Variants in TBC1D22A observed in about 807,000 individuals in gnomAD.
The protein encoded by TBC1D22A is TBC1 domain family member 22A.
A neutral mutation model predicts 60.2 loss-of-function variants in TBC1D22A; 38 were observed. The ratio of observed to expected loss-of-function variants is 0.63; its 90% CI spans 0.49 to 0.83. The LOEUF is 0.83. Ranked by LOEUF, TBC1D22A falls within the 40% of genes least tolerant of loss-of-function variation. The pLI is 0.00. For missense variants in TBC1D22A, 628 were observed against 701.0 expected (o/e 0.90, Z 1.18); for synonymous variants, 302 against 281.7 (o/e 1.07, Z -0.72).
intron 12 of TBC1D22A, among the ~76,000 whole-genome samples, chr22:47,134,112 C>T (rs1208326114): frequency 1.3e-5 from 2 of 152,204 alleles, no homozygotes; most frequent in Admixed American, 1.3e-4. Flanking sequence ...TCTTCCCTTG[C>T]ACGTTTCTGC....
intron 12 of TBC1D22A, among the ~76,000 whole-genome samples, chr22:47,135,602 G>A (rs2066836746): frequency 6.6e-6 from 1 of 152,238 alleles, no homozygotes; most frequent in Non-Finnish European, 1.5e-5. Context: ...AGGCAAGGAT[G>A]AGGGGCCTCG....
chr22:46,971,713 G>A (rs1480714014), intron 8 of TBC1D22A, among the ~76,000 whole-genome samples: 1 of 152,226 alleles, frequency 6.6e-6, no homozygotes, highest in Non-Finnish European at 1.5e-5. Flanking sequence ...AAAGCACACT[G>A]ATCAGCGCGT....
At chr22:46,996,620 A>G (rs2075130364) in intron 9 of TBC1D22A, among the ~76,000 whole-genome samples, 1 of 152,188 alleles carries the variant, frequency 6.6e-6, no homozygotes, top group Non-Finnish European at 1.5e-5. Flanking sequence ...GCTGTTGGGT[A>G]TAGATTTAAG....
chr22:46,935,453 C>T (rs2071592709), intron 8 of TBC1D22A, among the ~76,000 whole-genome samples: 1 of 152,148 alleles, frequency 6.6e-6, no homozygotes, highest in Non-Finnish European at 1.5e-5. Context: ...CCCCCGCAGC[C>T]CCTGTCACAA....
intron 4 of TBC1D22A, among the ~76,000 whole-genome samples, chr22:46,855,384 T>C (rs964268447): frequency 2.0e-5 from 3 of 152,192 alleles, no homozygotes; most frequent in Non-Finnish European, 4.4e-5. Context: ...TTAACAAACC[T>C]TCCTCAGCAC....
chr22:46,846,711 C>T (rs568928597), intron 4 of TBC1D22A, among the ~76,000 whole-genome samples: 251 of 151,988 alleles, frequency 1.7e-3, no homozygotes, highest in African/African-American at 5.6e-3. Flanking sequence ...CATCTTCACC[C>T]GGATTCGGCG....
intron 12 of TBC1D22A, among the ~76,000 whole-genome samples, chr22:47,124,828 T>C (rs1322187251): frequency 6.6e-6 from 1 of 151,318 alleles, no homozygotes; most frequent in Admixed American, 6.6e-5. Context: ...GCACAGCTGG[T>C]GTGAGGACAC....
chr22:46,964,273 A>T (rs2073689950), intron 8 of TBC1D22A, among the ~76,000 whole-genome samples: 2 of 152,134 alleles, frequency 1.3e-5, no homozygotes, highest in African/African-American at 4.8e-5. Context: ...GTCACTTAGG[A>T]AGAAGTTTAT....
At chr22:47,065,978 A>G (rs2063761025) in intron 11 of TBC1D22A, among the ~76,000 whole-genome samples, 1 of 152,200 alleles carries the variant, frequency 6.6e-6, no homozygotes, top group African/African-American at 2.4e-5. Flanking sequence ...GATCCAGGAA[A>G]AGAGCCCTCC....
chr22:46,833,139 T>C (rs923607966), intron 4 of TBC1D22A, among the ~76,000 whole-genome samples: 8 of 152,220 alleles, frequency 5.3e-5, no homozygotes, highest in Non-Finnish European at 2.9e-5. Flanking sequence ...GGAAGATACA[T>C]ATGAGTTAAT....
intron 11 of TBC1D22A, among the ~76,000 whole-genome samples, chr22:47,041,997 C>A (rs990789071): frequency 2.0e-5 from 3 of 152,242 alleles, no homozygotes; most frequent in African/African-American, 7.2e-5. Context: ...ATTGTCTCCC[C>A]AGCCCTTATC....
At position 47,111,737 on chromosome 22, in the gene TBC1D22A, G is replaced by A; in HGVS notation, c.1425+134G>A. On this transcript the variant is annotated intron_variant, in intron 12 of 12. Transcript: ENST00000337137. ...GCCTGCATTTCGCCGCTGACCTCCTGCTGGTTGAAAGCTCGTCCAGCTGAG... is the reference window on the plus strand; with the variant it reads ...GCCTGCATTTCGCCGCTGACCTCCTACTGGTTGAAAGCTCGTCCAGCTGAG... The A allele has an allele frequency of 6.4e-6, 5 of 783,368 alleles. No individual in the cohort carries two copies. The South Asian group carries it at 9.0e-5, about 14-fold the overall frequency. The allele number at this position is 783,368 out of a possible 1,614,324, so 48.5% of individuals were successfully genotyped here. A position where few individuals can be genotyped will look rare whatever the true frequency, so the allele number is the denominator to read the frequency against.
chr22:46,967,025 C>T (rs2073835874), intron 8 of TBC1D22A, among the ~76,000 whole-genome samples: 1 of 151,974 alleles, frequency 6.6e-6, no homozygotes, highest in Non-Finnish European at 1.5e-5. Context: ...TTGTCCTTGT[C>T]CTGTGATAAT....
chr22:46,984,404 A>AAAGAG (rs2074639835), intron 9 of TBC1D22A, among the ~76,000 whole-genome samples: 1 of 142,876 alleles, frequency 7.0e-6, no homozygotes, highest in Admixed American at 7.0e-5. Flanking sequence ...AAAAAAAAAA[A>AAAGAG]AAGAGAAGTT....
Position 47,076,378 on chromosome 22 carries a change from T to TAC in TBC1D22A, c.1330-35129_1330-35128insCA, listed in dbSNP as rs1202782684. On this transcript the variant is annotated intron_variant, in intron 11 of 12. Coordinates refer to ENST00000337137, the MANE Select transcript of TBC1D22A (RefSeq NM_014346.5). ...ATGTGTGTGTATATATATATATATA[T>TAC]ATACACACACACACACACACACACA... 1.1e-3 allele frequency among the ~76,000 whole-genome samples: 118 copies of TAC among 106,700 alleles called. 2 individuals are homozygous for TAC. Among genetic ancestry groups the TAC allele is most frequent in the African/African-American group, 3.1e-3 (76 of 24,828 alleles). 70.0% of individuals were successfully genotyped at this position (106,700 alleles called of 152,430 possible).
At chr22:46,844,212 T>C (rs1165023631) in intron 4 of TBC1D22A, among the ~76,000 whole-genome samples, 5 of 151,666 alleles carry the variant, frequency 3.3e-5, no homozygotes, top group African/African-American at 1.2e-4. Flanking sequence ...TTGAGAAGCA[T>C]CCCCGTCTGT....
chr22:47,044,029 C>T (rs79933170), intron 11 of TBC1D22A, among the ~76,000 whole-genome samples: 1 of 40,146 alleles, frequency 2.5e-5, no homozygotes, highest in Non-Finnish European at 4.5e-5. Context: ...TACCATGGGT[C>T]CTCATAGCAG....
At chr22:46,792,160 G>C (rs150223635) in intron 1 of TBC1D22A, among the ~76,000 whole-genome samples, 2 of 152,198 alleles carry the variant, frequency 1.3e-5, no homozygotes, top group Admixed American at 6.5e-5. Context: ...GCGTTTCTTC[G>C]AGTTTTTAGT....
At chr22:47,030,668 T>C (rs1055195552) in intron 10 of TBC1D22A, among the ~76,000 whole-genome samples, 1 of 152,272 alleles carries the variant, frequency 6.6e-6, no homozygotes, top group African/African-American at 2.4e-5. Flanking sequence ...ATTCATTGTA[T>C]GTATACTCTT....
Sources: gnomAD v4.1 joint callset for allele counts (sites outside exome capture counted in the v4.1 genomes callset) on GRCh38, gnomAD v4.1.1 for gene constraint, MANE v1.5 for transcripts, NCBI Gene and HGNC (gene_info 2026-07-23, HGNC 2026-07-21) for gene names.